The following SMCO1 variants were observed in gnomAD, a reference collection of about 807,000 sequenced individuals.
The protein encoded by SMCO1 is single-pass membrane protein with coiled-coil domains 1, also known as single-pass membrane and coiled-coil domain-containing protein 1.
A neutral mutation model predicts 7.5 loss-of-function variants in SMCO1; 9 were observed. The ratio of observed to expected loss-of-function variants is 1.20; its 90% confidence interval spans 0.72 to 2.09. The LOEUF is 2.09. Ranked by LOEUF, SMCO1 falls within the 30% of genes most tolerant of loss-of-function variation. The probability of loss-of-function intolerance (pLI) is 0.00; values close to 1 mark genes in which losing one functional copy is unlikely to be tolerated. For missense variants in SMCO1, 219 were observed against 253.1 expected, an observed-to-expected ratio of 0.87 and a Z score of 0.91; for synonymous variants, 90 against 93.8, an observed-to-expected ratio of 0.96 and a Z score of 0.23.
In SMCO1 at chr3:196,509,582, A is replaced by G. The variant is rs1449621255; in HGVS notation, c.138T>C (p.His46=). 8 of 1,613,852 alleles carry G rather than the reference A, an allele frequency of 5.0e-6. No homozygotes were observed. In the East Asian group the frequency reaches 1.1e-4, roughly 22 times the overall value. The change falls in exon 2 of 3, where the codon CAT becomes CAC. Residue 46 remains histidine (H), a synonymous_variant. Coordinates refer to ENST00000397537, the MANE Select transcript of SMCO1 (RefSeq NM_001077657.3). ...CTGCTTGGCTTGCCAAAGCCTTACT[A>G]TGATGTTCGAATTTCTGCATCAGGT... ...KDNLMQKFEH[H]SKALASQAAQ...
At position 196,507,741 on chromosome 3, in the gene SMCO1, GTATC is replaced by G. The variant is rs1468625808; in HGVS notation, c.*142_*145del. 2 of 602,558 alleles carry G rather than the reference GTATC, an allele frequency of 3.3e-6. No individual in the cohort carries two copies. The highest frequency in any genetic ancestry group is 1.9e-5 in the African/African-American group (1 of 53,896). The allele number at this position is 602,558 out of a possible 1,614,324, so 37.3% of individuals were successfully genotyped here. A position where few individuals can be genotyped will look rare whatever the true frequency, so the allele number is the denominator to read the frequency against. On this transcript the variant is annotated 3_prime_UTR_variant, in exon 3 of 3. Coordinates refer to ENST00000397537, the MANE Select transcript of SMCO1 (RefSeq NM_001077657.3). ...ATTCTTTTATATGGCTGCAAAGAAA[GTATC>G]TATTGTATCAATTTGTCATAATTTA...
At chr3:196,509,780 C>G in intron 1 of SMCO1, 111 bp from the exon 2 acceptor site, 1 of 718,716 alleles carries the variant, frequency 1.4e-6, no homozygotes, top group East Asian at 3.4e-5. Flanking sequence ...ATTTGGATAA[C>G]TTTTTTTTTT....
At chr3:196,512,315 C>T (rs941755243) in intron 1 of SMCO1, among the ~76,000 whole-genome samples, 2 of 152,052 alleles carry the variant, frequency 1.3e-5, no homozygotes, top group East Asian at 1.9e-4. Context: ...CCTAGATTGT[C>T]GTTATGAGGG....
At chr3:196,519,658 C>T (rs1733455514), upstream of SMCO1, among the ~76,000 whole-genome samples, 1 of 152,128 alleles carries the variant, frequency 6.6e-6, no homozygotes. Flanking sequence ...CTAGTGCGGG[C>T]CATAATAGTA....
intron 1 of SMCO1, among the ~76,000 whole-genome samples, chr3:196,510,060 A>C (rs1733178850): frequency 6.6e-6 from 1 of 152,130 alleles, no homozygotes; most frequent in Non-Finnish European, 1.5e-5. Context: ...ACTACCTCCC[A>C]GGCTCAAGTG....
upstream of SMCO1, among the ~76,000 whole-genome samples, chr3:196,519,222 T>C (rs150574279): frequency 4.0e-3 from 609 of 152,338 alleles, 6 homozygotes; most frequent in African/African-American, 0.013. Context: ...GTAGTAACCA[T>C]GGATGTAGTT....
the SMCO1 span, among the ~76,000 whole-genome samples, chr3:196,520,709 T>G: frequency 2.0e-5 from 3 of 152,152 alleles, no homozygotes; most frequent in African/African-American, 7.2e-5. Context: ...TAAGTCAGAC[T>G]CTCACCGCTG....
upstream of SMCO1, among the ~76,000 whole-genome samples, chr3:196,519,799 T>G (rs1389014317): frequency 6.6e-6 from 1 of 152,132 alleles, no homozygotes; most frequent in South Asian, 2.1e-4. Flanking sequence ...TGCAGAGAAC[T>G]AGGATAGCAT....
In SMCO1 at chr3:196,507,857, G is replaced by T; in HGVS notation, c.*30C>A. The T allele has an allele frequency of 7.1e-7, 1 of 1,399,652 alleles. No individual in the cohort carries two copies. Among genetic ancestry groups the T allele is most frequent in the Non-Finnish European group, 9.9e-7 (1 of 1,009,932 alleles). 86.7% of individuals were successfully genotyped at this position (1,399,652 alleles called of 1,614,324 possible). A position where few individuals can be genotyped will look rare whatever the true frequency, so the allele number is the denominator to read the frequency against. On this transcript the variant is annotated 3_prime_UTR_variant, in exon 3 of 3. Transcript: ENST00000397537. ...GCTGTTTCCAAGATAAATTACTGTAGGTGGAATCACTGGGTCATAGGGTAA... is the reference window on the plus strand; with the variant it reads ...GCTGTTTCCAAGATAAATTACTGTATGTGGAATCACTGGGTCATAGGGTAA...
chr3:196,515,659 T>C (rs1733366108), upstream of SMCO1, among the ~76,000 whole-genome samples: 1 of 152,124 alleles, frequency 6.6e-6, no homozygotes, highest in Non-Finnish European at 1.5e-5. Context: ...AGATCTTTTA[T>C]GATGATGATA....
In SMCO1 at chr3:196,510,490, C is replaced by T. The variant is rs116632025; in HGVS notation, c.51-821G>A. Among the ~76,000 whole-genome samples, 737 of 152,144 alleles carry T rather than the reference C, an allele frequency of 4.8e-3. 5 individuals carry two copies. The highest frequency in any genetic ancestry group is 0.017 in the African/African-American group (696 of 41,486). On this transcript the variant is annotated intron_variant, in intron 1 of 2. Transcript: ENST00000397537. The stretch of plus-strand genomic sequence containing the variant: ...GCCTTCACCCTTTGCTCCTATCTTC[C>T]GCCAGTCCCCTCACCCATCCTAGTC...
chr3:196,513,398 AG>A (rs1733301554), intron 1 of SMCO1, among the ~76,000 whole-genome samples: 1 of 152,094 alleles, frequency 6.6e-6, no homozygotes, highest in Non-Finnish European at 1.5e-5. Flanking sequence ...TGGGAGGCCA[AG>A]GCAGGTGGAT....
the SMCO1 span, among the ~76,000 whole-genome samples, chr3:196,520,840 G>A: frequency 3.3e-5 from 5 of 152,140 alleles, no homozygotes; most frequent in African/African-American, 1.2e-4. Context: ...AAAGAAAATA[G>A]TTAGAATAAG....
In SMCO1 at chr3:196,507,940, G is replaced by C. The variant is rs367904648; in HGVS notation, c.592C>G (p.Pro198Ala). ...VIEKGKAVRT[P>A]EKQKSSLEEL... ...TCGAGGGATGACTTTTGCTTTTCAG[G>C]GGTCCTAACTGCTTTCCCCTTCTCA... The change falls in exon 3 of 3, where the codon CCT (proline) becomes GCT (alanine). Residue 198 changes from proline to alanine, a missense_variant. Transcript: ENST00000397537. 6.2e-7 allele frequency: 1 copy of C among 1,613,898 alleles called. No homozygotes were observed. Among genetic ancestry groups the C allele is most frequent in the African/African-American group, 1.3e-5 (1 of 74,888 alleles).
intron 1 of SMCO1, among the ~76,000 whole-genome samples, chr3:196,514,009 C>T (rs1733319099): frequency 6.6e-6 from 1 of 152,212 alleles, no homozygotes; most frequent in African/African-American, 2.4e-5. Context: ...TCTCCATCTC[C>T]ATCAAATGAG....
chr3:196,508,364 C>T, intron 2 of SMCO1, 33 bp from the exon 3 acceptor site: 2 of 1,531,936 alleles, frequency 1.3e-6, no homozygotes, highest in Non-Finnish European at 1.8e-6. Context: ...CTTAAGCGGT[C>T]AAAAATATTT....
chr3:196,511,165 TGTCCTTATGAGGG>T (rs1368244042), intron 1 of SMCO1, among the ~76,000 whole-genome samples: 2,791 of 142,242 alleles, frequency 0.02, 377 homozygotes, highest in African/African-American at 0.08. Flanking sequence ...CCACCTAGAT[TGTCCTTATGAGGG>T]AAACCTGCCT....
At chr3:196,509,408 A>T in intron 2 of SMCO1, 112 bp downstream of exon 2, 1 of 926,676 alleles carries the variant, frequency 1.1e-6, no homozygotes, top group Non-Finnish European at 1.6e-6. Flanking sequence ...AAGAAAATGT[A>T]ATTGCTTTAC....
rs1733354729 is a variant in SMCO1, at chr3:196,515,182, A to G, written c.28T>C (p.Ser10Pro). 1.9e-6 allele frequency: 3 copies of G among 1,613,844 alleles called. No homozygotes were observed. The African/African-American group carries it at 4.0e-5, about 22-fold the overall frequency. The change falls in exon 1 of 3, where the codon TCC becomes CCC. Residue 10 changes from serine to proline, a missense_variant. Ser to Pro is a moderately conservative substitution (Grantham distance 74). Transcript: ENST00000397537. Reference protein sequence around the residue: MNNETTTLISLKEAMKRVDH... With the variant: MNNETTTLIPLKEAMKRVDH... Reference sequence around the variant, plus strand: ...AACCTTTTCATTGCCTCCTTCAAGGATATCAGGGTTGTGGTTTCATTGTTC... The same window carrying G: ...AACCTTTTCATTGCCTCCTTCAAGGGTATCAGGGTTGTGGTTTCATTGTTC...
Sources: allele counts gnomAD v4.1 joint callset (sites outside exome capture counted in the v4.1 genomes callset), GRCh38; gene constraint gnomAD v4.1.1; transcripts MANE v1.5; gene names NCBI Gene and HGNC (gene_info 2026-07-23, HGNC 2026-07-21).